EXOC6: variants seen among roughly 807,000 people sequenced by gnomAD.
EXOC6 encodes the protein SEC15-like 1.
EXOC6 carries 60 observed loss-of-function variants against 112.5 expected under a neutral mutation model. That is an observed-to-expected ratio of 0.53 (90% confidence interval 0.43 to 0.66). The LOEUF is 0.66. Ranked by LOEUF, EXOC6 falls within the 30% of genes least tolerant of loss-of-function variation. The pLI, the probability that EXOC6 is intolerant of heterozygous loss-of-function variation, is 0.00. For missense variants in EXOC6, 855 were observed against 957.1 expected, an observed-to-expected ratio of 0.89 and a Z score of 1.41; for synonymous variants, 295 against 308.0, an observed-to-expected ratio of 0.96 and a Z score of 0.44.
intron 1 of EXOC6, among the ~76,000 whole-genome samples, chr10:92,859,479 A>G (rs1393329094): frequency 1.3e-5 from 2 of 152,216 alleles, no homozygotes; most frequent in African/African-American, 4.8e-5. Flanking sequence ...TATTTTCAAC[A>G]GTGTCCTGGG....
chr10:93,017,871 G>A (rs952936150), intron 20 of EXOC6, among the ~76,000 whole-genome samples: 7 of 151,780 alleles, frequency 4.6e-5, no homozygotes, highest in South Asian at 4.2e-4. Flanking sequence ...TTAGCTGGGC[G>A]TGGTGGTGCA....
intron 6 of EXOC6, among the ~76,000 whole-genome samples, chr10:92,913,239 G>A (rs983606668): frequency 1.3e-5 from 2 of 152,138 alleles, no homozygotes; most frequent in Non-Finnish European, 2.9e-5. Flanking sequence ...TACTGTTAAT[G>A]TTATTTGTTA....
chr10:92,969,187 G>A (rs186895228), intron 17 of EXOC6, among the ~76,000 whole-genome samples: 1 of 152,104 alleles, frequency 6.6e-6, no homozygotes, highest in African/African-American at 2.4e-5. Flanking sequence ...TTGGAGCCCT[G>A]TGCTGCCATG....
chr10:92,992,287 C>CAA (rs35924745), intron 18 of EXOC6, among the ~76,000 whole-genome samples: 9,169 of 72,916 alleles, frequency 0.13, 844 homozygotes, highest in African/African-American at 0.19. Context: ...GACTCTGTCT[C>CAA]AAAAAAAAAA....
intron 17 of EXOC6, among the ~76,000 whole-genome samples, chr10:92,958,899 T>G (rs558671999): frequency 3.3e-5 from 5 of 152,034 alleles, no homozygotes; most frequent in Admixed American, 1.3e-4. Flanking sequence ...ATCAAGACCA[T>G]CCTGGCCAAC....
chr10:93,009,648 T>C (rs539552151), intron 19 of EXOC6, among the ~76,000 whole-genome samples: 3 of 152,118 alleles, frequency 2.0e-5, no homozygotes, highest in African/African-American at 7.2e-5. Context: ...AAGACGATGA[T>C]TGAAGGATAA....
At chr10:92,914,823 C>CA (rs1163031051) in intron 6 of EXOC6, among the ~76,000 whole-genome samples, 1 of 152,066 alleles carries the variant, frequency 6.6e-6, no homozygotes, top group African/African-American at 2.4e-5. Context: ...GCTAACAGAA[C>CA]AAAATAGCAA....
chr10:93,007,048 A>C (rs1844020789), intron 19 of EXOC6, among the ~76,000 whole-genome samples: 1 of 149,332 alleles, frequency 6.7e-6, no homozygotes, highest in Non-Finnish European at 1.5e-5. Context: ...CTATATCTAC[A>C]TTGTAAACAA....
chr10:92,898,385 G>A (rs1004029297), intron 4 of EXOC6, among the ~76,000 whole-genome samples: 2 of 150,528 alleles, frequency 1.3e-5, no homozygotes, highest in Admixed American at 1.3e-4. Flanking sequence ...GGCCATGATC[G>A]TGCCACTGCC....
chr10:92,983,479 T>A (rs1842896130), intron 18 of EXOC6, among the ~76,000 whole-genome samples: 1 of 24,526 alleles, frequency 4.1e-5, no homozygotes, highest in Admixed American at 4.8e-4. Context: ...TAAAATCTCT[T>A]CTATTTCTTT....
intron 12 of EXOC6, among the ~76,000 whole-genome samples, chr10:92,938,807 T>C (rs970995750): frequency 1.3e-5 from 2 of 152,118 alleles, no homozygotes; most frequent in Non-Finnish European, 2.9e-5. Flanking sequence ...TAATAAGGCA[T>C]CCTAATGCAG....
chr10:93,027,973 T>G (rs927657846), intron 20 of EXOC6, among the ~76,000 whole-genome samples: 2 of 152,212 alleles, frequency 1.3e-5, no homozygotes, highest in East Asian at 3.8e-4. Context: ...ACTGAGAGCC[T>G]TCTGGAAAGG....
chr10:92,899,082 C>T (rs141540440), intron 4 of EXOC6, among the ~76,000 whole-genome samples: 6 of 152,190 alleles, frequency 3.9e-5, no homozygotes, highest in African/African-American at 1.4e-4. Flanking sequence ...TATTATAATT[C>T]ACTCCTGCTG....
intron 1 of EXOC6, among the ~76,000 whole-genome samples, chr10:92,867,259 A>G (rs913611442): frequency 6.6e-6 from 1 of 152,182 alleles, no homozygotes; most frequent in Non-Finnish European, 1.5e-5. Context: ...CTTTTACCCA[A>G]GTGATCTCTA....
chr10:92,931,782 A>G (rs891148856), intron 9 of EXOC6, among the ~76,000 whole-genome samples: 3 of 152,068 alleles, frequency 2.0e-5, no homozygotes, highest in Non-Finnish European at 4.4e-5. Flanking sequence ...GAAAGGATTG[A>G]TAATAGCAAG....
rs112948813 is a variant in EXOC6, at chr10:93,046,503, G to A, written c.2170-10421G>A. Among the ~76,000 whole-genome samples the A allele has an allele frequency of 3.4e-3, 511 of 152,246 alleles. 1 individual carries two copies. The highest frequency in any genetic ancestry group is 6.2e-3 in the Admixed American group (95 of 15,282). ...GACTGATTTAGACTTAAGTGTTATG[G>A]ACTAAGTAAGAGCTACCTGAGTGAA... On this transcript the variant is annotated intron_variant, in intron 20 of 21. Transcript: ENST00000260762.
chr10:93,056,630 A>C, intron 20 of EXOC6, among the ~76,000 whole-genome samples: 1 of 83,888 alleles, frequency 1.2e-5, no homozygotes, highest in Admixed American at 1.2e-4. Context: ...ATTTCTATAC[A>C]TCAGTACAAG....
chr10:92,932,528 G>A (rs558982895), intron 9 of EXOC6, among the ~76,000 whole-genome samples: 2 of 152,128 alleles, frequency 1.3e-5, no homozygotes, highest in East Asian at 3.9e-4. Flanking sequence ...TTATTTTCAA[G>A]TAAACAAAAC....
chr10:92,900,711 C>T (rs957062911), intron 5 of EXOC6: 8 of 149,238 alleles, frequency 5.4e-5, no homozygotes, highest in Non-Finnish European at 1.2e-4. Flanking sequence ...TTCACCATTC[C>T]TTCTTTATAG....
Sources: allele counts gnomAD v4.1 joint callset (sites outside exome capture counted in the v4.1 genomes callset), GRCh38; gene constraint gnomAD v4.1.1; transcripts MANE v1.5; gene names NCBI Gene and HGNC (gene_info 2026-07-23, HGNC 2026-07-21).